MTUS1: variants seen among roughly 807,000 people sequenced by gnomAD.
MTUS1 encodes the protein microtubule-associated tumor suppressor 1.
A neutral mutation model predicts 120.8 loss-of-function variants in MTUS1; 109 were observed. That is an observed-to-expected ratio of 0.90 (90% confidence interval 0.77 to 1.06). MTUS1 has a LOEUF of 1.06. MTUS1 is among the 50% of genes least tolerant of loss of function. The pLI is 0.00. For synonymous variants in MTUS1, 737 were observed against 550.5 expected (o/e 1.34, Z -4.74); for missense variants, 2,210 against 1,486.3 (o/e 1.49, Z -8.01).
At chr8:17,715,940 A>T (rs1205034126) in intron 4 of MTUS1, 39 bp from the exon 5 acceptor site, 1 of 1,586,084 alleles carries the variant, frequency 6.3e-7, no homozygotes, top group South Asian at 1.2e-5. Context: ...TTGTATAGAT[A>T]AACACAGTTT....
chr8:17,714,382 G>A (rs1439797729), intron 5 of MTUS1, among the ~76,000 whole-genome samples: 1 of 152,166 alleles, frequency 6.6e-6, no homozygotes, highest in South Asian at 2.1e-4. Flanking sequence ...ACACCTCTGA[G>A]AAAGTTACTA....
chr8:17,790,671 T>C (rs2051703170), intron 1 of MTUS1, among the ~76,000 whole-genome samples: 2 of 152,188 alleles, frequency 1.3e-5, no homozygotes, highest in Admixed American at 1.3e-4. Context: ...CTATGTCATT[T>C]GAAATTTTAC....
At chr8:17,769,024 G>C (rs779556427) in intron 1 of MTUS1, among the ~76,000 whole-genome samples, 1 of 152,160 alleles carries the variant, frequency 6.6e-6, no homozygotes, top group East Asian at 1.9e-4. Context: ...GTTTGTCTTA[G>C]ATAACTCACA....
chr8:17,680,941 CTTTTT>C (rs148648178), intron 7 of MTUS1, among the ~76,000 whole-genome samples: 1 of 149,156 alleles, frequency 6.7e-6, no homozygotes, highest in Non-Finnish European at 1.5e-5. Flanking sequence ...TGCTTTTTTT[CTTTTT>C]TTTTTAAGTT....
chr8:17,700,288 G>C (rs2130905233), intron 6 of MTUS1, among the ~76,000 whole-genome samples: 1 of 151,942 alleles, frequency 6.6e-6, no homozygotes, highest in East Asian at 1.9e-4. Flanking sequence ...GGCCAACATG[G>C]TGAAACCCCG....
intron 2 of MTUS1, among the ~76,000 whole-genome samples, chr8:17,746,556 T>C (rs542842198): frequency 8.3e-4 from 126 of 152,066 alleles, no homozygotes; most frequent in African/African-American, 3.0e-3. Flanking sequence ...TATAAAACCA[T>C]CAGATCTCAT....
Position 17,782,025 on chromosome 8 carries a change from G to C in MTUS1, c.-155+19036C>G, listed in dbSNP as rs1006031877. On this transcript the variant is annotated intron_variant, in intron 1 of 14. Coordinates refer to ENST00000693296, the MANE Select transcript of MTUS1 (RefSeq NM_001363059.2). ...TAACCTGATGGCCCTCGGTTGGCCA[G>C]ACCCAAGGCTGGGCTCCCATTTCAA... Among the ~76,000 whole-genome samples, 5 of 152,320 alleles carry C rather than the reference G, an allele frequency of 3.3e-5. No individual in the cohort carries two copies. In the East Asian group the frequency reaches 9.6e-4, roughly 29 times the overall value.
At chr8:17,676,110 A>G in intron 7 of MTUS1, 1 of 602,938 alleles carries the variant, frequency 1.7e-6, no homozygotes, top group South Asian at 2.0e-5. Context: ...ATCACCCAAG[A>G]CGGAGCTCCC....
At chr8:17,735,300 T>C (rs2046849043) in intron 3 of MTUS1, among the ~76,000 whole-genome samples, 2 of 152,094 alleles carry the variant, frequency 1.3e-5, no homozygotes, top group Admixed American at 1.3e-4. Flanking sequence ...CTATCCAGCC[T>C]CTGAAGGCGG....
intron 4 of MTUS1, among the ~76,000 whole-genome samples, chr8:17,720,130 T>C (rs955999517): frequency 6.6e-6 from 1 of 151,958 alleles, no homozygotes; most frequent in Non-Finnish European, 1.5e-5. Context: ...ATATCACTTG[T>C]GGTTAGGAGT....
intron 12 of MTUS1, chr8:17,651,528 ATTTTTTTTTTT>A (rs72238040): frequency 7.1e-6 from 1 of 141,090 alleles, no homozygotes; most frequent in East Asian, 2.1e-4. Flanking sequence ...TGTACGCAGG[ATTTTTTTTTTT>A]TTTTTTACCT....
chr8:17,683,845 C>G (rs1815150262), intron 7 of MTUS1, among the ~76,000 whole-genome samples: 1 of 152,160 alleles, frequency 6.6e-6, no homozygotes, highest in African/African-American at 2.4e-5. Context: ...TTTTGTTGCA[C>G]CACAGAGATT....
chr8:17,771,527 A>G (rs2050022609), intron 1 of MTUS1, among the ~76,000 whole-genome samples: 3 of 152,240 alleles, frequency 2.0e-5, no homozygotes, highest in Admixed American at 2.0e-4. Context: ...AGCAATGTGA[A>G]TAACTAGTGT....
At chr8:17,791,991 T>C (rs2051823331) in intron 1 of MTUS1, among the ~76,000 whole-genome samples, 1 of 152,032 alleles carries the variant, frequency 6.6e-6, no homozygotes, top group Non-Finnish European at 1.5e-5. Flanking sequence ...GGAGCAAAGG[T>C]AATGAAATTT....
chr8:17,712,428 C>A (rs1821496542), intron 6 of MTUS1, among the ~76,000 whole-genome samples: 1 of 152,030 alleles, frequency 6.6e-6, no homozygotes, highest in African/African-American at 2.4e-5. Context: ...CCTCTGCCTC[C>A]CAGGTTCAAG....
intron 3 of MTUS1, among the ~76,000 whole-genome samples, chr8:17,732,233 A>G (rs1314985727): frequency 6.6e-6 from 1 of 152,172 alleles, no homozygotes; most frequent in East Asian, 1.9e-4. Context: ...TCAAACCTGG[A>G]ACAGCCTGCC....
intron 2 of MTUS1, among the ~76,000 whole-genome samples, chr8:17,747,102 C>T (rs1448048945): frequency 6.6e-6 from 1 of 152,196 alleles, no homozygotes; most frequent in African/African-American, 2.4e-5. Flanking sequence ...GGGTTAGACA[C>T]CTTCTGTCTG....
At chr8:17,649,770 G>A in intron 13 of MTUS1, 76 bp downstream of exon 13, 1 of 804,270 alleles carries the variant, frequency 1.2e-6, no homozygotes, top group Non-Finnish European at 2.2e-6. Context: ...CAACTCCACA[G>A]TTCTAAAATG....
intron 1 of MTUS1, among the ~76,000 whole-genome samples, chr8:17,799,745 C>A (rs1163074787): frequency 1.3e-5 from 2 of 151,846 alleles, no homozygotes; most frequent in African/African-American, 2.4e-5. Context: ...GCAGATTTAC[C>A]AAGAATTATT....
Sources: allele counts gnomAD v4.1 joint callset (sites outside exome capture counted in the v4.1 genomes callset), GRCh38; gene constraint gnomAD v4.1.1; transcripts MANE v1.5; gene names NCBI Gene and HGNC (gene_info 2026-07-23, HGNC 2026-07-21).